Variants in ARHGEF3 observed in about 807,000 individuals in gnomAD.
ARHGEF3 encodes Rho guanine nucleotide exchange factor 3, also known as 59.8 kDA protein.
A neutral mutation model predicts 63.2 loss-of-function variants in ARHGEF3; 28 were observed. The ratio of observed to expected loss-of-function variants is 0.44; its 90% CI spans 0.33 to 0.61. The LOEUF (loss-of-function observed/expected upper bound fraction) is 0.61, where lower values mean the gene tolerates loss of function less well. Among genes scored for constraint, ARHGEF3 ranks in the 20% least tolerant of loss-of-function variants. The probability of loss-of-function intolerance (pLI) is 0.03; values close to 1 mark genes in which losing one functional copy is unlikely to be tolerated. For synonymous variants in ARHGEF3, 266 were observed against 254.2 expected, an observed-to-expected ratio of 1.05 and a Z score of -0.44; for missense variants, 533 against 659.3, an observed-to-expected ratio of 0.81 and a Z score of 2.10.
chr3:56,762,308 T>A (rs1039932205), intron 2 of ARHGEF3, among the ~76,000 whole-genome samples: 2 of 152,248 alleles, frequency 1.3e-5, no homozygotes, highest in African/African-American at 4.8e-5. Flanking sequence ...AGAGTTTCCA[T>A]GAGGGAATCT....
At chr3:56,805,914 G>A (rs9843140), upstream of ARHGEF3, among the ~76,000 whole-genome samples, 3,064 of 152,262 alleles carry the variant, frequency 0.02, 102 homozygotes, top group African/African-American at 0.069. Context: ...TCACCATCCA[G>A]AATAGGATTC....
At chr3:57,072,823 G>T (rs906012503) in intron 1 of ARHGEF3, among the ~76,000 whole-genome samples, 3 of 151,982 alleles carry the variant, frequency 2.0e-5, no homozygotes, top group African/African-American at 7.2e-5. Flanking sequence ...AAGGCGGGTG[G>T]ATCACGAGGT....
Position 56,976,243 on chromosome 3 carries a change from A to C in ARHGEF3, c.63-17354T>G, listed in dbSNP as rs752441770. ...TTTTTAGTAGAGACGGGGTTTCGTCATGTTGGCCAAGCTGGTCTTGGACTC... is the reference window on the plus strand; with the variant it reads ...TTTTTAGTAGAGACGGGGTTTCGTCCTGTTGGCCAAGCTGGTCTTGGACTC... On this transcript the variant is annotated intron_variant, in intron 2 of 12. Coordinates refer to the ARHGEF3 transcript ENST00000338458. 5.3e-5 allele frequency among the ~76,000 whole-genome samples: 8 copies of C among 152,232 alleles called. No individual in the cohort carries two copies. In the Middle Eastern group the frequency reaches 0.014, roughly 259 times the overall value.
chr3:56,938,428 T>C (rs1699009074), intron 3 of ARHGEF3, among the ~76,000 whole-genome samples: 1 of 152,214 alleles, frequency 6.6e-6, no homozygotes, highest in South Asian at 2.1e-4. Context: ...GATAATAGAA[T>C]ATATTTTAAG....
intron 1 of ARHGEF3, among the ~76,000 whole-genome samples, chr3:57,069,446 T>A (rs1336565100): frequency 2.0e-5 from 3 of 151,078 alleles, no homozygotes; most frequent in Non-Finnish European, 2.9e-5. Flanking sequence ...TCACCCCAGA[T>A]GAGTTGAGGT....
chr3:56,837,000 AT>A (rs1449065200), intron 4 of ARHGEF3, among the ~76,000 whole-genome samples: 7 of 152,280 alleles, frequency 4.6e-5, no homozygotes, highest in African/African-American at 1.7e-4. Flanking sequence ...CGTAATCTTT[AT>A]TTCACCCTCT....
At chr3:56,738,937 A>T (rs1052511940) in intron 7 of ARHGEF3, among the ~76,000 whole-genome samples, 79 of 151,394 alleles carry the variant, frequency 5.2e-4, no homozygotes, top group East Asian at 1.9e-3. Flanking sequence ...TAAAAATATT[A>T]AAAAAAAATT....
chr3:56,751,220 C>T lies in ARHGEF3; in HGVS notation c.535+80G>A, dbSNP rs2034722354. 3 of 1,536,120 alleles carry T rather than the reference C, an allele frequency of 2.0e-6. No individual in the cohort carries two copies. In the Admixed American group the frequency reaches 5.1e-5, roughly 26 times the overall value. On this transcript the variant is annotated intron_variant, in intron 5 of 9. Transcript: ENST00000296315. ...GGTTCTGGGTTATTCACATTGCAGG[C>T]AATTAATAATCACTCACTCATTATA... is the stretch of plus-strand genomic sequence containing the variant.
chr3:56,763,042 T>C (rs2035509273), intron 2 of ARHGEF3, among the ~76,000 whole-genome samples: 1 of 152,174 alleles, frequency 6.6e-6, no homozygotes. Context: ...CTGAGTGCAA[T>C]TGTTTGACTC....
chr3:56,932,968 A>G (rs1352927530), intron 3 of ARHGEF3, among the ~76,000 whole-genome samples: 2 of 152,336 alleles, frequency 1.3e-5, no homozygotes, highest in Non-Finnish European at 2.9e-5. Flanking sequence ...ACATGAGAGG[A>G]ATGTAGTCAT....
chr3:56,879,050 A>AC (rs2040684109), intron 4 of ARHGEF3, among the ~76,000 whole-genome samples: 1 of 152,246 alleles, frequency 6.6e-6, no homozygotes, highest in South Asian at 2.1e-4. Context: ...CACTATTGTT[A>AC]CCCCCAGATG....
chr3:56,843,541 A>G (rs2039386781), intron 4 of ARHGEF3, among the ~76,000 whole-genome samples: 1 of 152,184 alleles, frequency 6.6e-6, no homozygotes, highest in Non-Finnish European at 1.5e-5. Context: ...TGCTAGGATC[A>G]CAGGTGTGAG....
chr3:56,831,561 T>C (rs2038931513), intron 4 of ARHGEF3, among the ~76,000 whole-genome samples: 2 of 152,208 alleles, frequency 1.3e-5, no homozygotes, highest in East Asian at 1.9e-4. Context: ...AACAGTGTGG[T>C]TGTGTTACAA....
At position 56,839,680 on chromosome 3, in the gene ARHGEF3, T is replaced by C. The variant is rs555415840; in HGVS notation, c.192+42612A>G. Among the ~76,000 whole-genome samples the C allele has an allele frequency of 3.7e-3, 563 of 152,324 alleles. 6 individuals carry two copies. Among genetic ancestry groups the C allele is most frequent in the South Asian group, 3.1e-3 (15 of 4,824 alleles). On this transcript the variant is annotated intron_variant, in intron 4 of 12. Coordinates refer to the ARHGEF3 transcript ENST00000338458. ...TTGTCTAATCAAATTGTCTACACTC[T>C]GCGCCCTATCCCCAAATCTCAAGGG...
At chr3:56,896,478 T>C (rs2041305598) in intron 3 of ARHGEF3, among the ~76,000 whole-genome samples, 1 of 150,600 alleles carries the variant, frequency 6.6e-6, no homozygotes, top group Non-Finnish European at 1.5e-5. Context: ...CGTTCACCAC[T>C]TTTTTTAAAA....
At chr3:56,985,706 C>T (rs555508090) in intron 2 of ARHGEF3, among the ~76,000 whole-genome samples, 151 of 152,314 alleles carry the variant, frequency 9.9e-4, no homozygotes, top group Non-Finnish European at 1.6e-3. Context: ...CCTGCGGCCT[C>T]GCCCCCTCGA....
chr3:56,959,047 A>G (rs1023903229), intron 2 of ARHGEF3, among the ~76,000 whole-genome samples: 9 of 152,206 alleles, frequency 5.9e-5, no homozygotes, highest in African/African-American at 1.9e-4. Flanking sequence ...TTCAGCAGCC[A>G]AATTCACCCC....
intron 3 of ARHGEF3, among the ~76,000 whole-genome samples, chr3:56,936,094 A>G (rs894385442): frequency 2.0e-5 from 3 of 152,156 alleles, no homozygotes; most frequent in South Asian, 4.1e-4. Flanking sequence ...AGAAAGAAAA[A>G]CTGATCCAAT....
At chr3:57,002,462 C>CTATATATATA (rs1165862414) in intron 2 of ARHGEF3, among the ~76,000 whole-genome samples, 731 of 38,632 alleles carry the variant, frequency 0.019, 72 homozygotes, top group African/African-American at 0.076. Flanking sequence ...GTTCTAAGCA[C>CTATATATATA]TATATATATA....
Sources: gnomAD v4.1 joint callset for allele counts (sites outside exome capture counted in the v4.1 genomes callset) on GRCh38, gnomAD v4.1.1 for gene constraint, MANE v1.5 for transcripts, NCBI Gene and HGNC (gene_info 2026-07-23, HGNC 2026-07-21) for gene names.